The following ANKH variants were observed in gnomAD, a reference collection of about 807,000 sequenced individuals.
ANKH encodes the protein mineralization regulator ANKH.
A neutral mutation model predicts 49.0 loss-of-function variants in ANKH; 15 were observed. The observed-to-expected ratio is 0.31, with a 90% CI of 0.20 to 0.47. The LOEUF (loss-of-function observed/expected upper bound fraction) is 0.47, where lower values mean the gene tolerates loss of function less well. Ranked by LOEUF, ANKH falls within the 20% of genes least tolerant of loss-of-function variation. The pLI is 1.00. For missense variants in ANKH, 429 were observed against 652.0 expected (o/e 0.66, Z 3.72); for synonymous variants, 273 against 260.0 (o/e 1.05, Z -0.48).
In ANKH at chr5:14,705,308, T is replaced by C. The variant is rs1317671587; in HGVS notation, c.*5889A>G. 6.6e-6 allele frequency: 1 copy of C among 152,142 alleles called. No individual in the cohort carries two copies. The highest frequency in any genetic ancestry group is 2.4e-5 in the African/African-American group (1 of 41,416). 9.4% of individuals were successfully genotyped at this position (152,142 alleles called of 1,614,324 possible). ...TTAAAAAAAAAAAAATCTAGATCAC[T>C]GCTAATGTTCAGATCTGAAATGAAG... is the stretch of plus-strand genomic sequence containing the variant. On this transcript the variant is annotated 3_prime_UTR_variant, in exon 12 of 12. Coordinates refer to ENST00000284268, the MANE Select transcript of ANKH (RefSeq NM_054027.6).
chr5:14,726,237 A>C (rs975660411), intron 8 of ANKH, among the ~76,000 whole-genome samples: 9 of 152,142 alleles, frequency 5.9e-5, no homozygotes, highest in African/African-American at 2.2e-4. Context: ...TTCCAGAGAG[A>C]GCTGACGCAG....
At chr5:14,859,007 A>G (rs1735394135) in intron 1 of ANKH, among the ~76,000 whole-genome samples, 1 of 152,012 alleles carries the variant, frequency 6.6e-6, no homozygotes, top group South Asian at 2.1e-4. Flanking sequence ...GTGTTAATTG[A>G]AAGTTTTTCA....
chr5:14,833,380 C>T (rs1389031258), intron 1 of ANKH, among the ~76,000 whole-genome samples: 5 of 152,140 alleles, frequency 3.3e-5, no homozygotes, highest in South Asian at 2.1e-4. Flanking sequence ...CAAGGGTGTT[C>T]GCTATTCATG....
At chr5:14,792,529 G>A (rs1223902484) in intron 1 of ANKH, among the ~76,000 whole-genome samples, 1 of 152,104 alleles carries the variant, frequency 6.6e-6, no homozygotes, top group African/African-American at 2.4e-5. Flanking sequence ...GTGGGGAATG[G>A]ACCTCCTTCA....
At chr5:14,830,326 T>C (rs1224217779) in intron 1 of ANKH, among the ~76,000 whole-genome samples, 1 of 152,078 alleles carries the variant, frequency 6.6e-6, no homozygotes, top group African/African-American at 2.4e-5. Context: ...TCCTGCCCAG[T>C]ACACGCACCC....
intron 1 of ANKH, chr5:14,797,933 T>A: frequency 6.3e-7 from 1 of 1,590,690 alleles, no homozygotes; most frequent in African/African-American, 1.3e-5. Context: ...TAGAAGGATG[T>A]TTTGTATAGT....
At chr5:14,744,615 G>A (rs1387601880) in intron 7 of ANKH, among the ~76,000 whole-genome samples, 7 of 152,226 alleles carry the variant, frequency 4.6e-5, no homozygotes, top group African/African-American at 1.7e-4. Flanking sequence ...CTCGGGAACT[G>A]CAGGAGCAGA....
In ANKH at chr5:14,793,021, A is replaced by AAT. The variant is rs1161157269; in HGVS notation, c.97-23832_97-23831dup. Among the ~76,000 whole-genome samples, 54 of 68,304 alleles carry AAT rather than the reference A, an allele frequency of 7.9e-4. No individual in the cohort carries two copies. In the South Asian group the frequency reaches 8.6e-3, roughly 11 times the overall value. The allele number at this position is 68,304 out of a possible 152,430, so 44.8% of individuals were successfully genotyped here. ...ATATATATATAAATATATATATATA[A>AAT]ATATATATATATAAAAATATATATA... On this transcript the variant is annotated intron_variant, in intron 1 of 11. Transcript: ENST00000284268.
chr5:14,866,974 T>C (rs1735663277), intron 1 of ANKH, among the ~76,000 whole-genome samples: 1 of 151,774 alleles, frequency 6.6e-6, no homozygotes, highest in South Asian at 2.1e-4. Context: ...CTGGGCAACA[T>C]GGTGAAACCC....
chr5:14,856,528 A>G (rs1011322459), intron 1 of ANKH, among the ~76,000 whole-genome samples: 1 of 151,856 alleles, frequency 6.6e-6, no homozygotes, highest in African/African-American at 2.4e-5. Flanking sequence ...TCGATCCACC[A>G]TGCCGTGATC....
At chr5:14,714,305 T>C (rs1461173281) in intron 9 of ANKH, among the ~76,000 whole-genome samples, 1 of 152,196 alleles carries the variant, frequency 6.6e-6, no homozygotes, top group Non-Finnish European at 1.5e-5. Flanking sequence ...ACTGGATCTC[T>C]GAGCTGCAGG....
rs1737787453 is a variant in ANKH at position 14,725,215 on chromosome 5, T to G, written c.1012-8380A>C. 6.6e-6 allele frequency among the ~76,000 whole-genome samples: 1 copy of G among 152,108 alleles called. No homozygotes were observed. Among genetic ancestry groups the G allele is most frequent in the African/African-American group, 2.4e-5 (1 of 41,420 alleles). ...TCTCTGTCTGTTGTCTCTAGGTGAG[T>G]TCCCTGAGCACTCCAGCCTCAGCTC... On this transcript the variant is annotated intron_variant, in intron 8 of 11. Coordinates refer to ENST00000284268, the MANE Select transcript of ANKH (RefSeq NM_054027.6). The surrounding 1 kb of genome is among the most constrained non-coding windows in gnomAD (Gnocchi z 4.0).
Position 14,713,020 on chromosome 5 carries a change from A to G in ANKH, c.1266-47T>C. ...CAATTTGTCTGTTAAGGCCAAGTCAAGGCACAACCGTCGATGCCAAAACCC... is the reference window on the plus strand; with the variant it reads ...CAATTTGTCTGTTAAGGCCAAGTCAGGGCACAACCGTCGATGCCAAAACCC... On this transcript the variant is annotated intron_variant, in intron 10 of 11. Coordinates refer to ENST00000284268, the MANE Select transcript of ANKH (RefSeq NM_054027.6). This position sits in a 1 kb window ranked among gnomAD's most constrained non-coding sequence, Gnocchi z 4.4. 4 of 1,566,182 alleles carry G rather than the reference A, an allele frequency of 2.6e-6. No individual in the cohort carries two copies. The highest frequency in any genetic ancestry group is 2.6e-6 in the Non-Finnish European group (3 of 1,146,772).
rs575564253 is a variant in ANKH, at chr5:14,748,645, G to A, written c.822+527C>T. Among the ~76,000 whole-genome samples the A allele has an allele frequency of 3.1e-3, 473 of 152,378 alleles. 3 individuals carry two copies. Among genetic ancestry groups the A allele is most frequent in the African/African-American group, 0.011 (449 of 41,582 alleles). Reference sequence around the variant, plus strand: ...CATCTGAGGTGGGCATGCCAGGCACGGGTGTGGTGGTGACGGGTCAGGTGG... The same window carrying A: ...CATCTGAGGTGGGCATGCCAGGCACAGGTGTGGTGGTGACGGGTCAGGTGG... On this transcript the variant is annotated intron_variant, in intron 6 of 11. Transcript: ENST00000284268.
chr5:14,719,942 T>C (rs1432414267), intron 8 of ANKH, among the ~76,000 whole-genome samples: 1 of 152,204 alleles, frequency 6.6e-6, no homozygotes, highest in Non-Finnish European at 1.5e-5. Flanking sequence ...TTTATCTCCT[T>C]TTCTTAAAAT....
At chr5:14,856,887 T>C (rs1197447032) in intron 1 of ANKH, among the ~76,000 whole-genome samples, 4 of 152,198 alleles carry the variant, frequency 2.6e-5, no homozygotes, top group Non-Finnish European at 5.9e-5. Flanking sequence ...CTCTCCACAG[T>C]GCATGCCCCA....
At chr5:14,767,486 G>A (rs191367732) in intron 2 of ANKH, among the ~76,000 whole-genome samples, 5 of 152,250 alleles carry the variant, frequency 3.3e-5, no homozygotes, top group Admixed American at 6.5e-5. Context: ...AACCATTTTG[G>A]TTTAAATTTA....
chr5:14,836,862 C>T (rs1450375484), intron 1 of ANKH, among the ~76,000 whole-genome samples: 9 of 152,194 alleles, frequency 5.9e-5, no homozygotes, highest in African/African-American at 9.7e-5. Context: ...TACCTGACTT[C>T]GAACTATACT....
At chr5:14,827,832 G>T (rs1239826578) in intron 1 of ANKH, among the ~76,000 whole-genome samples, 3 of 152,112 alleles carry the variant, frequency 2.0e-5, no homozygotes, top group African/African-American at 7.2e-5. Context: ...CTTTCTCTCA[G>T]ATTATCTTTT....
Sources: gnomAD v4.1 joint callset for allele counts (sites outside exome capture counted in the v4.1 genomes callset) on GRCh38, gnomAD v4.1.1 for gene constraint, Gnocchi (gnomAD v3.1) non-coding constraint, MANE v1.5 for transcripts, NCBI Gene and HGNC (gene_info 2026-07-23, HGNC 2026-07-21) for gene names.